CTNNB1: variants seen among roughly 807,000 people sequenced by gnomAD.
CTNNB1 encodes catenin beta 1, also known as catenin beta-1.
CTNNB1 carries 6 observed loss-of-function variants against 82.5 expected under a neutral mutation model. The observed-to-expected ratio is 0.07, with a 90% CI of 0.04 to 0.14. The LOEUF (loss-of-function observed/expected upper bound fraction) is 0.14. Ranked by LOEUF, CTNNB1 falls within the 10% of genes least tolerant of loss-of-function variation. The pLI is 1.00. For missense variants in CTNNB1, 529 were observed against 980.4 expected, an observed-to-expected ratio of 0.54 and a Z score of 6.15; for synonymous variants, 312 against 329.7, an observed-to-expected ratio of 0.95 and a Z score of 0.58.
At chr3:41,216,834 A>T (rs1233663094) in intron 1 of CTNNB1, among the ~76,000 whole-genome samples, 3 of 152,078 alleles carry the variant, frequency 2.0e-5, no homozygotes, top group South Asian at 2.1e-4. Flanking sequence ...TATATGTTAA[A>T]TTTTTTTTAA....
chr3:41,236,502 A>G lies in CTNNB1; in HGVS notation c.1954+3A>G. ...TCACTCTAGGAATGAAGGTGTGGGT[A>G]AGTAAAAAGGAACCAAAGCCTTTAG... is the stretch of plus-strand genomic sequence containing the variant. On this transcript the variant is annotated splice_donor_region_variant and intron_variant, in intron 12 of 14. Coordinates refer to ENST00000349496, the MANE Select transcript of CTNNB1 (RefSeq NM_001904.4). 1 of 1,614,224 alleles carries G rather than the reference A, an allele frequency of 6.2e-7. No homozygotes were observed. Among genetic ancestry groups the G allele is most frequent in the Non-Finnish European group, 8.5e-7 (1 of 1,180,032 alleles).
At chr3:41,218,401 C>A (rs2077961719) in intron 1 of CTNNB1, among the ~76,000 whole-genome samples, 1 of 151,990 alleles carries the variant, frequency 6.6e-6, no homozygotes, top group South Asian at 2.1e-4. Context: ...CCTTATAGTT[C>A]TTCTTAAATC....
At position 41,225,227 on chromosome 3, in the gene CTNNB1, G is replaced by C. The variant is rs759695464; in HGVS notation, c.495+20G>C. 6.2e-7 allele frequency: 1 copy of C among 1,614,016 alleles called. No individual in the cohort carries two copies. Among genetic ancestry groups the C allele is most frequent in the South Asian group, 1.1e-5 (1 of 91,082 alleles). On this transcript the variant is annotated intron_variant, in intron 4 of 14. Coordinates refer to ENST00000349496, the MANE Select transcript of CTNNB1 (RefSeq NM_001904.4). This position sits in a 1 kb window ranked among gnomAD's most constrained non-coding sequence, Gnocchi z 5.3. ...GACCAGGTAAGCAATGACATAGCTA[G>C]CTTTTTAGTCTGCTTTGAAGTAAAT...
At chr3:41,231,326 C>CAAA (rs11377041) in intron 7 of CTNNB1, among the ~76,000 whole-genome samples, 3 of 135,026 alleles carry the variant, frequency 2.2e-5, no homozygotes, top group East Asian at 2.2e-4. Context: ...GACTCTATCT[C>CAAA]AAAAAAAAAA....
At chr3:41,226,123 C>G (rs551497563) in intron 6 of CTNNB1, among the ~76,000 whole-genome samples, 2 of 152,304 alleles carry the variant, frequency 1.3e-5, no homozygotes, top group East Asian at 3.9e-4. Context: ...CTATGAGACT[C>G]TCATGGTGCA....
At chr3:41,237,382 CAGG>C (rs1311338018) in intron 13 of CTNNB1, 1 of 129,964 alleles carries the variant, frequency 7.7e-6, no homozygotes, top group Non-Finnish European at 1.5e-5. Context: ...GAGACGGGGG[CAGG>C]AGGATTGCTT....
In CTNNB1 at chr3:41,227,253, A is replaced by G. The variant is rs2078198554; in HGVS notation, c.982A>G (p.Met328Val). 4.3e-6 allele frequency: 7 copies of G among 1,612,388 alleles called. No homozygotes were observed. Among genetic ancestry groups the G allele is most frequent in the African/African-American group, 1.3e-5 (1 of 74,990 alleles). ...TGGACCCCAAGCTTTAGTAAATATA[A>G]TGAGGACCTATACTTACGAAAAACT... ...SGGPQALVNI[M>V]RTYTYEKLLW... is the part of the protein sequence containing the mutation. The change falls in exon 7 of 15, where the codon ATG becomes GTG. Residue 328 changes from methionine to valine, a missense_variant. Met to Val is a conservative substitution (Grantham distance 21). Transcript: ENST00000349496.
chr3:41,228,220 T>G (rs544032287), intron 7 of CTNNB1, among the ~76,000 whole-genome samples: 15 of 152,290 alleles, frequency 9.8e-5, no homozygotes, highest in African/African-American at 3.6e-4. Flanking sequence ...GATTTCTTTT[T>G]CTTTGGGCAT....
chr3:41,236,202 AC>A lies in CTNNB1; in HGVS notation c.1804-143del. On this transcript the variant is annotated intron_variant, in intron 11 of 14. Coordinates refer to ENST00000349496, the MANE Select transcript of CTNNB1 (RefSeq NM_001904.4). ...AATCCAGTGCTCCAGAGCATTAAAC[AC>A]CCCAAGACATAAAATTCAGAGAATA... 3.0e-6 allele frequency: 3 copies of A among 1,009,524 alleles called. No homozygotes were observed. In the South Asian group the frequency reaches 3.9e-5, roughly 13 times the overall value. The allele number at this position is 1,009,524 out of a possible 1,614,324, so 62.5% of individuals were successfully genotyped here.
At chr3:41,206,105 A>G (rs1219129292) in intron 1 of CTNNB1, among the ~76,000 whole-genome samples, 1 of 151,868 alleles carries the variant, frequency 6.6e-6, no homozygotes, top group East Asian at 1.9e-4. Context: ...CCATATTTTT[A>G]TTTTTTCACT....
chr3:41,235,869 G>C (rs2078423666), intron 11 of CTNNB1, 26 bp downstream of exon 11: 2 of 1,613,564 alleles, frequency 1.2e-6, no homozygotes, highest in Non-Finnish European at 1.7e-6. Flanking sequence ...AGTGTTCTAG[G>C]TTTTATGTCC....
chr3:41,211,445 T>C (rs2077783650), intron 1 of CTNNB1, among the ~76,000 whole-genome samples: 1 of 152,166 alleles, frequency 6.6e-6, no homozygotes, highest in Non-Finnish European at 1.5e-5. Context: ...AAAGAGTATA[T>C]CGTATGATGC....
chr3:41,203,846 C>T, intron 1 of CTNNB1, among the ~76,000 whole-genome samples: 1 of 152,098 alleles, frequency 6.6e-6, no homozygotes, highest in Non-Finnish European at 1.5e-5. Context: ...TAATTAGCAA[C>T]AGGAATGAAG....
intron 11 of CTNNB1, 123 bp from the exon 12 acceptor site, chr3:41,236,226 A>T: frequency 8.7e-7 from 1 of 1,148,686 alleles, no homozygotes; most frequent in South Asian, 1.2e-5. Flanking sequence ...AATTCAGAGA[A>T]TATTATTTAC....
chr3:41,233,036 T>C (rs1044482824), intron 7 of CTNNB1, among the ~76,000 whole-genome samples: 1 of 152,158 alleles, frequency 6.6e-6, no homozygotes, highest in Non-Finnish European at 1.5e-5. Flanking sequence ...TTTGAAATGA[T>C]TGAATGGATG....
chr3:41,226,911 C>T (rs1243141141), intron 6 of CTNNB1, among the ~76,000 whole-genome samples: 12 of 152,096 alleles, frequency 7.9e-5, no homozygotes, highest in Non-Finnish European at 1.8e-4. Context: ...TGCCTACCAA[C>T]ATAGTTTCTA....
chr3:41,224,688 C>A lies in CTNNB1; in HGVS notation c.176C>A (p.Thr59Asn). ...KGNPEEEDVD[T>N]SQVLYEWEQG... is the part of the protein sequence containing the mutation. ...AATCCTGAGGAAGAGGATGTGGATA[C>A]CTCCCAAGTCCTGTATGAGTGGGAA... Residue 59 changes from threonine to asparagine, a missense_variant, in exon 3 of 15, where the codon ACC becomes AAC. By Grantham distance (65) the Thr-to-Asn change is moderately conservative (BLOSUM62 0). Around this residue, in one of 4 missense-constraint regions of CTNNB1, gnomAD observed 411 missense variants for 776.4 expected, o/e 0.53. Coordinates refer to ENST00000349496, the MANE Select transcript of CTNNB1 (RefSeq NM_001904.4). The A allele has an allele frequency of 3.1e-6, 5 of 1,613,952 alleles. No individual in the cohort carries two copies. The highest frequency in any genetic ancestry group is 4.2e-6 in the Non-Finnish European group (5 of 1,179,968).
At chr3:41,224,330 C>G (rs1047057414) in intron 2 of CTNNB1, 196 bp from the exon 3 acceptor site, 3 of 702,354 alleles carry the variant, frequency 4.3e-6, no homozygotes, top group Non-Finnish European at 4.9e-6. Context: ...CAGTGAGTAA[C>G]TGTTAGGTGG....
In CTNNB1 at chr3:41,235,945, A is replaced by C. The variant is rs1040434153; in HGVS notation, c.1803+102A>C. The C allele has an allele frequency of 2.2e-6, 3 of 1,371,868 alleles. No homozygotes were observed. In the African/African-American group the frequency reaches 4.3e-5, roughly 20 times the overall value. The allele number at this position is 1,371,868 out of a possible 1,614,324, so 85.0% of individuals were successfully genotyped here. ...AATTAGGGACCATAATAGGGTTACC[A>C]ACATTTAATTTTATGAAAATTCCCT... On this transcript the variant is annotated intron_variant, in intron 11 of 14. Coordinates refer to ENST00000349496, the MANE Select transcript of CTNNB1 (RefSeq NM_001904.4).
Sources: gnomAD v4.1 joint callset for allele counts (sites outside exome capture counted in the v4.1 genomes callset) on GRCh38, gnomAD v4.1.1 for gene constraint, gnomAD v4.1.1 regional missense constraint, Gnocchi (gnomAD v3.1) non-coding constraint, MANE v1.5 for transcripts, NCBI Gene and HGNC (gene_info 2026-07-23, HGNC 2026-07-21) for gene names.